The following CCDC60 variants were observed in gnomAD, a reference collection of about 807,000 sequenced individuals.
CCDC60 encodes coiled-coil domain-containing protein 60.
A neutral mutation model predicts 63.5 loss-of-function variants in CCDC60; 54 were observed. The observed-to-expected ratio is 0.85, with a 90% confidence interval of 0.68 to 1.07. The LOEUF (loss-of-function observed/expected upper bound fraction) is 1.07. Among genes scored for constraint, CCDC60 ranks in the 50% least tolerant of loss-of-function variants. The pLI, the probability that CCDC60 is intolerant of heterozygous loss-of-function variation, is 0.00. For missense variants in CCDC60, 651 were observed against 684.3 expected (o/e 0.95, Z 0.54); for synonymous variants, 206 against 238.8 (o/e 0.86, Z 1.27).
At chr12:119,398,248 G>A (rs750766699) in intron 1 of CCDC60, among the ~76,000 whole-genome samples, 111 of 151,886 alleles carry the variant, frequency 7.3e-4, no homozygotes, top group Non-Finnish European at 8.8e-4. Context: ...GGCAGTGCTG[G>A]GGGACCCGGC....
intron 2 of CCDC60, among the ~76,000 whole-genome samples, chr12:119,444,037 G>C (rs574916478): frequency 6.6e-6 from 1 of 152,182 alleles, no homozygotes; most frequent in African/African-American, 2.4e-5. Context: ...TCAGGACTCT[G>C]TCCACTCTGC....
intron 2 of CCDC60, among the ~76,000 whole-genome samples, chr12:119,429,247 C>A (rs1956954564): frequency 6.6e-6 from 1 of 151,928 alleles, no homozygotes; most frequent in Non-Finnish European, 1.5e-5. Context: ...GATAAAGTGT[C>A]CCTCATATGG....
rs1006039143 is a variant in CCDC60, at chr12:119,471,870, C to G, written c.171-124C>G. On this transcript the variant is annotated intron_variant, in intron 2 of 13. Coordinates refer to ENST00000327554, the MANE Select transcript of CCDC60 (RefSeq NM_178499.5). ...TCTATTTCTACCTGTTTCTTTCTCT[C>G]TATCCCTCTTTATCTCTCTTTTCTC... The G allele has an allele frequency of 8.4e-6, 6 of 717,812 alleles. No homozygotes were observed. The African/African-American group carries it at 8.9e-5, about 11-fold the overall frequency. 44.5% of individuals were successfully genotyped at this position (717,812 alleles called of 1,614,324 possible). A position where few individuals can be genotyped will look rare whatever the true frequency, so the allele number is the denominator to read the frequency against.
rs575976285 is a variant in CCDC60 at position 119,418,216 on chromosome 12, A to G, written c.91-10467A>G. On this transcript the variant is annotated intron_variant, in intron 1 of 13. Coordinates refer to ENST00000327554, the MANE Select transcript of CCDC60 (RefSeq NM_178499.5). Reference sequence around the variant, plus strand: ...TATATAATATGTGTGTATATTTACAATTTTTTAAGCTGAGCCTCTTGAAAG... The same window carrying G: ...TATATAATATGTGTGTATATTTACAGTTTTTTAAGCTGAGCCTCTTGAAAG... Among the ~76,000 whole-genome samples the G allele has an allele frequency of 6.6e-5, 10 of 152,010 alleles. No homozygotes were observed. The South Asian group carries it at 2.1e-3, about 32-fold the overall frequency.
At chr12:119,466,117 CTTCA>C (rs957418161) in intron 2 of CCDC60, among the ~76,000 whole-genome samples, 9 of 152,222 alleles carry the variant, frequency 5.9e-5, no homozygotes, top group Admixed American at 1.3e-4. Context: ...CCCTTACCTC[CTTCA>C]CATCTTTCTG....
At chr12:119,533,415 T>A (rs1005789136) in intron 13 of CCDC60, among the ~76,000 whole-genome samples, 3 of 152,154 alleles carry the variant, frequency 2.0e-5, no homozygotes, top group Non-Finnish European at 4.4e-5. Context: ...AGAAGCTCTT[T>A]AGTTTAATCA....
chr12:119,471,966 C>T (rs1317496657), intron 2 of CCDC60, 28 bp from the exon 3 acceptor site: 25 of 1,601,564 alleles, frequency 1.6e-5, no homozygotes, highest in Non-Finnish European at 2.0e-5. Context: ...TCCTCCCTCT[C>T]TCCCTCTTCC....
intron 1 of CCDC60, among the ~76,000 whole-genome samples, chr12:119,378,590 A>G (rs1021576514): frequency 6.6e-6 from 1 of 152,176 alleles, no homozygotes; most frequent in Non-Finnish European, 1.5e-5. Context: ...AAAATTAGGT[A>G]ACTGGTCATA....
At chr12:119,493,082 G>C (rs1397969015) in intron 5 of CCDC60, among the ~76,000 whole-genome samples, 2 of 152,086 alleles carry the variant, frequency 1.3e-5, no homozygotes, top group East Asian at 3.9e-4. Context: ...AGCCCAAGAA[G>C]GTAATACCTA....
intron 1 of CCDC60, among the ~76,000 whole-genome samples, chr12:119,397,146 A>G (rs1593024177): frequency 1.3e-5 from 2 of 152,310 alleles, no homozygotes; most frequent in Middle Eastern, 6.8e-3. Context: ...TCAGGAGTGA[A>G]GCTGCAGACC....
chr12:119,437,012 G>T (rs982718881), intron 2 of CCDC60, among the ~76,000 whole-genome samples: 2 of 152,136 alleles, frequency 1.3e-5, no homozygotes, highest in Admixed American at 6.5e-5. Context: ...AGGCTAGTTT[G>T]CCAACCAAGG....
At chr12:119,346,583 G>T (rs1305762428) in intron 1 of CCDC60, among the ~76,000 whole-genome samples, 1 of 152,160 alleles carries the variant, frequency 6.6e-6, no homozygotes, top group Admixed American at 6.6e-5. Context: ...CTGGAAGAAA[G>T]GGGAAAGTGC....
At chr12:119,523,937 C>A in intron 11 of CCDC60, 119 bp downstream of exon 11, 1 of 1,053,982 alleles carries the variant, frequency 9.5e-7, no homozygotes, top group Non-Finnish European at 1.4e-6. Flanking sequence ...TCTCTGTCCT[C>A]AGGGAGCTCA....
At chr12:119,415,518 G>A (rs1956683349) in intron 1 of CCDC60, among the ~76,000 whole-genome samples, 1 of 152,216 alleles carries the variant, frequency 6.6e-6, no homozygotes, top group South Asian at 2.1e-4. Flanking sequence ...TTTAGGCAAT[G>A]GAGTCATGGG....
intron 1 of CCDC60, among the ~76,000 whole-genome samples, chr12:119,407,806 C>T (rs1956521535): frequency 6.6e-6 from 1 of 152,018 alleles, no homozygotes; most frequent in Non-Finnish European, 1.5e-5. Context: ...CTTGCCCAAA[C>T]AGTTAGCAAA....
intron 7 of CCDC60, among the ~76,000 whole-genome samples, chr12:119,507,515 T>TAC (rs1379739334): frequency 2.4e-5 from 3 of 125,320 alleles, no homozygotes; most frequent in African/African-American, 6.3e-5. Flanking sequence ...CACATATATA[T>TAC]ACATATATAT....
At chr12:119,480,245 T>C (rs1322423690) in intron 4 of CCDC60, among the ~76,000 whole-genome samples, 1 of 152,180 alleles carries the variant, frequency 6.6e-6, no homozygotes, top group Non-Finnish European at 1.5e-5. Context: ...GGTGTATCAT[T>C]ATCCCCTCTC....
intron 2 of CCDC60, chr12:119,433,342 A>G (rs899137627): frequency 2.2e-5 from 15 of 696,184 alleles, no homozygotes; most frequent in Admixed American, 2.0e-4. Context: ...CAGACGCATT[A>G]AATGTTAAAG....
chr12:119,505,319 G>T lies in CCDC60; in HGVS notation c.883+16G>T. Reference sequence around the variant, plus strand: ...CTGTATATGAGTAAGTCCTACCTGAGATCTGACTCATCTACCCTGACCCTT... The same window carrying T: ...CTGTATATGAGTAAGTCCTACCTGATATCTGACTCATCTACCCTGACCCTT... On this transcript the variant is annotated intron_variant, in intron 7 of 13. Transcript: ENST00000327554. The T allele has an allele frequency of 1.9e-6, 3 of 1,557,376 alleles. No individual in the cohort carries two copies. Among genetic ancestry groups the T allele is most frequent in the Non-Finnish European group, 2.6e-6 (3 of 1,138,718 alleles).
Sources: allele counts gnomAD v4.1 joint callset (sites outside exome capture counted in the v4.1 genomes callset), GRCh38; gene constraint gnomAD v4.1.1; transcripts MANE v1.5; gene names NCBI Gene and HGNC (gene_info 2026-07-23, HGNC 2026-07-21).